Variants in ARK2N observed in about 807,000 individuals in gnomAD.
ARK2N encodes protein ARK2N.
At chr18:46,265,182 C>T in the ARK2N span, 13 of 152,752 alleles carry the variant, frequency 8.5e-5, no homozygotes, top group Admixed American at 7.8e-4. Flanking sequence ...AATTTCTGGT[C>T]TGTGTTTTCC....
At chr18:46,201,987 G>A in the ARK2N span, among the ~76,000 whole-genome samples, 2 of 151,784 alleles carry the variant, frequency 1.3e-5, no homozygotes, top group East Asian at 1.9e-4. Flanking sequence ...CATGTTGGCC[G>A]AGATGGTCTC....
At chr18:46,260,489 C>A in the ARK2N span, among the ~76,000 whole-genome samples, 5 of 152,276 alleles carry the variant, frequency 3.3e-5, no homozygotes, top group African/African-American at 1.2e-4. Context: ...CTAATAAATT[C>A]TCTTCATTGT....
chr18:46,236,265 G>A, the ARK2N span, among the ~76,000 whole-genome samples: 4,355 of 152,186 alleles, frequency 0.029, 192 homozygotes, highest in African/African-American at 0.099. Context: ...CTCCTGCCTC[G>A]TCCTCCCAAA....
chr18:46,243,760 C>T, the ARK2N span, among the ~76,000 whole-genome samples: 1 of 152,144 alleles, frequency 6.6e-6, no homozygotes, highest in Non-Finnish European at 1.5e-5. Context: ...TTATATAAAG[C>T]CTCAGTTTTC....
chr18:46,211,261 C>T, the ARK2N span, among the ~76,000 whole-genome samples: 6 of 152,034 alleles, frequency 3.9e-5, no homozygotes, highest in Non-Finnish European at 7.4e-5. Context: ...CAGCCTGGAA[C>T]GTACTGTTGC....
the ARK2N span, among the ~76,000 whole-genome samples, chr18:46,181,670 G>A: frequency 2.7e-4 from 41 of 152,088 alleles, no homozygotes; most frequent in African/African-American, 8.9e-4. Context: ...AGCCAAGATC[G>A]CGCCACTGCA....
At chr18:46,176,324 T>C in the ARK2N span, among the ~76,000 whole-genome samples, 1 of 152,202 alleles carries the variant, frequency 6.6e-6, no homozygotes, top group African/African-American at 2.4e-5. Context: ...GACCCAAACC[T>C]TTGGTAAATC....
At chr18:46,213,574 G>C in the ARK2N span, among the ~76,000 whole-genome samples, 1 of 152,042 alleles carries the variant, frequency 6.6e-6, no homozygotes, top group African/African-American at 2.4e-5. Flanking sequence ...ACATTTTTTT[G>C]TAATGGTGTC....
the ARK2N span, among the ~76,000 whole-genome samples, chr18:46,200,596 G>T: frequency 6.6e-6 from 1 of 152,088 alleles, no homozygotes; most frequent in Non-Finnish European, 1.5e-5. Flanking sequence ...GTGAGCCACC[G>T]CACCTGGCCA....
the ARK2N span, among the ~76,000 whole-genome samples, chr18:46,227,052 AC>A: frequency 6.6e-6 from 1 of 151,950 alleles, no homozygotes; most frequent in Admixed American, 6.6e-5. Flanking sequence ...CAGGTGATCC[AC>A]CCACCTCCAC....
chr18:46,263,308 C>T, the ARK2N span: 44 of 502,482 alleles, frequency 8.8e-5, no homozygotes, highest in South Asian at 1.8e-3. Context: ...AAAATAACAT[C>T]ACAGAGAAAA....
the ARK2N span, among the ~76,000 whole-genome samples, chr18:46,230,869 A>G: frequency 1.3e-5 from 2 of 152,174 alleles, no homozygotes; most frequent in Admixed American, 6.5e-5. Context: ...TTTAGTTGGC[A>G]TTTAAGAGGC....
At chr18:46,234,554 CTT>C in the ARK2N span, among the ~76,000 whole-genome samples, 4 of 147,680 alleles carry the variant, frequency 2.7e-5, no homozygotes, top group African/African-American at 9.9e-5. Context: ...AATAAAACTG[CTT>C]TTTTTTTTTT....
At chr18:46,259,300 G>A in the ARK2N span, among the ~76,000 whole-genome samples, 1 of 148,148 alleles carries the variant, frequency 6.8e-6, no homozygotes, top group East Asian at 2.0e-4. Flanking sequence ...CTGGAGTGCA[G>A]TGGCACGATC....
the ARK2N span, among the ~76,000 whole-genome samples, chr18:46,220,304 C>T: frequency 6.6e-6 from 1 of 152,192 alleles, no homozygotes; most frequent in Non-Finnish European, 1.5e-5. Flanking sequence ...TAGACCAGCT[C>T]AGCCCCACTT....
At chr18:46,259,882 C>CATCTGTGTGTGTGTGTGTGTGTGTGT in the ARK2N span, among the ~76,000 whole-genome samples, 1 of 39,322 alleles carries the variant, frequency 2.5e-5, no homozygotes, top group Admixed American at 2.5e-4. Flanking sequence ...GTGATCCTCC[C>CATCTGTGTGTGTGTGTGTGTGTGTGT]GTCTGTGTGT....
the ARK2N span, among the ~76,000 whole-genome samples, chr18:46,255,702 C>T: frequency 1.3e-5 from 2 of 151,696 alleles, no homozygotes; most frequent in Non-Finnish European, 2.9e-5. Flanking sequence ...CCACCCACCT[C>T]GGCCTCCCAA....
At chr18:46,209,409 C>CAGT in the ARK2N span, among the ~76,000 whole-genome samples, 2 of 151,014 alleles carry the variant, frequency 1.3e-5, no homozygotes, top group African/African-American at 4.9e-5. Flanking sequence ...TCCAGATTTT[C>CAGT]ACAAGTAGCC....
chr18:46,245,585 A>AAG, the ARK2N span, among the ~76,000 whole-genome samples: 6 of 151,512 alleles, frequency 4.0e-5, no homozygotes, highest in African/African-American at 1.5e-4. Context: ...AAAAAAAAAA[A>AAG]AAAGAAAGAA....
Sources: allele counts gnomAD v4.1 joint callset (sites outside exome capture counted in the v4.1 genomes callset), GRCh38; gene constraint gnomAD v4.1.1; transcripts MANE v1.5; gene names NCBI Gene and HGNC (gene_info 2026-07-23, HGNC 2026-07-21).